Variants in DPP6 observed in about 807,000 individuals in gnomAD.
DPP6 encodes the protein A-type potassium channel modulatory protein DPP6.
DPP6 carries 69 observed loss-of-function variants against 122.6 expected under a neutral mutation model. The observed-to-expected ratio is 0.56, with a 90% CI of 0.46 to 0.69. DPP6 has a LOEUF of 0.69. Among genes scored for constraint, DPP6 ranks in the 30% least tolerant of loss-of-function variants. The probability of loss-of-function intolerance (pLI) is 0.00; values close to 1 mark genes in which losing one functional copy is unlikely to be tolerated. For synonymous variants in DPP6, 418 were observed against 433.1 expected, an observed-to-expected ratio of 0.97 and a Z score of 0.43; for missense variants, 928 against 1,116.9, an observed-to-expected ratio of 0.83 and a Z score of 2.41.
chr7:154,305,036 GCCCCAGCCCCAGCCCCAGCCCC>G (rs1806181614), intron 1 of DPP6: 2 of 14,876 alleles, frequency 1.3e-4, no homozygotes, highest in African/African-American at 5.1e-4. Flanking sequence ...CCCAGCCCCA[GCCCCAGCCCCAGCCCCAGCCCC>G]AGCCCCAGCC....
chr7:154,333,253 C>CTTT (rs34165810), intron 1 of DPP6, among the ~76,000 whole-genome samples: 3 of 148,988 alleles, frequency 2.0e-5, no homozygotes, highest in Non-Finnish European at 3.0e-5. Flanking sequence ...TTTCTCAGGG[C>CTTT]TTTTTTTTTT....
chr7:154,817,463 A>G (rs1181196118), intron 16 of DPP6, among the ~76,000 whole-genome samples: 1 of 152,184 alleles, frequency 6.6e-6, no homozygotes. Context: ...ATCATGAGTG[A>G]GTGATTAATA....
intron 1 of DPP6, among the ~76,000 whole-genome samples, chr7:154,180,525 TAG>T (rs899606696): frequency 2.1e-4 from 30 of 144,550 alleles, no homozygotes; most frequent in East Asian, 1.6e-3. Flanking sequence ...TATAAATATA[TAG>T]AGAGTATATA....
chr7:154,803,822 G>T, intron 13 of DPP6, 42 bp from the exon 14 acceptor site: 3 of 1,597,666 alleles, frequency 1.9e-6, no homozygotes, highest in South Asian at 2.2e-5. Context: ...CTGGGGCCGG[G>T]ACACCGGTGT....
chr7:153,898,712 C>T (rs1799514648), intron 1 of DPP6, among the ~76,000 whole-genome samples: 3 of 152,272 alleles, frequency 2.0e-5, no homozygotes. Flanking sequence ...GTTGCGGTAT[C>T]AGAGGCCTTC....
At chr7:154,383,605 G>A (rs1369727984) in intron 1 of DPP6, among the ~76,000 whole-genome samples, 2 of 151,972 alleles carry the variant, frequency 1.3e-5, no homozygotes, top group Non-Finnish European at 1.5e-5. Context: ...ACATGTGTTA[G>A]TGGGCTGGGC....
upstream of DPP6, among the ~76,000 whole-genome samples, chr7:153,884,256 C>T (rs940164567): frequency 5.9e-5 from 9 of 152,258 alleles, no homozygotes; most frequent in Admixed American, 3.9e-4. Flanking sequence ...TGAAAACATG[C>T]GTTGTTTGGT....
At chr7:153,835,044 C>G in the DPP6 span, among the ~76,000 whole-genome samples, 2,101 of 152,216 alleles carry the variant, frequency 0.014, 55 homozygotes, top group African/African-American at 0.048. Flanking sequence ...TGTAGGTGCC[C>G]CCTCATTCTT....
intron 1 of DPP6, among the ~76,000 whole-genome samples, chr7:154,008,014 A>T (rs937882264): frequency 5.3e-5 from 8 of 152,194 alleles, no homozygotes; most frequent in Admixed American, 4.6e-4. Context: ...TGTTCAGAAG[A>T]AAAGGACCCT....
chr7:154,818,412 C>G (rs529886620), intron 16 of DPP6, among the ~76,000 whole-genome samples: 3 of 152,298 alleles, frequency 2.0e-5, no homozygotes, highest in Admixed American at 2.0e-4. Flanking sequence ...TGTAAGCAGG[C>G]ATGCCCTTTG....
chr7:154,510,808 A>G (rs930734215), intron 3 of DPP6, among the ~76,000 whole-genome samples: 1 of 152,076 alleles, frequency 6.6e-6, no homozygotes, highest in South Asian at 2.1e-4. Context: ...CCACTAAATT[A>G]TATACCTAAC....
At chr7:154,719,225 A>G (rs73498006) in intron 7 of DPP6, among the ~76,000 whole-genome samples, 3,271 of 152,170 alleles carry the variant, frequency 0.021, 115 homozygotes, top group African/African-American at 0.075. Context: ...GATGTTATCT[A>G]TGCCGGGCTT....
chr7:154,601,032 G>T (rs1199765635), intron 5 of DPP6, among the ~76,000 whole-genome samples: 1 of 120,304 alleles, frequency 8.3e-6, no homozygotes, highest in Non-Finnish European at 1.9e-5. Context: ...CGGAGGTTGC[G>T]GTGAGCCATT....
At chr7:154,364,825 A>G (rs1024613468) in intron 1 of DPP6, among the ~76,000 whole-genome samples, 3 of 152,234 alleles carry the variant, frequency 2.0e-5, no homozygotes, top group Admixed American at 6.5e-5. Context: ...TGGGAGTTAC[A>G]TCGGAACCGG....
At chr7:154,190,435 G>A (rs1354223676) in intron 1 of DPP6, among the ~76,000 whole-genome samples, 1 of 152,066 alleles carries the variant, frequency 6.6e-6, no homozygotes. Context: ...AAAAGGTGAT[G>A]GGTTCCTGGG....
chr7:154,397,743 T>C (rs75562666), intron 1 of DPP6, among the ~76,000 whole-genome samples: 6,213 of 152,280 alleles, frequency 0.041, 403 homozygotes, highest in African/African-American at 0.14. Context: ...CTAATATGTT[T>C]GTTCACTTTT....
intron 1 of DPP6, among the ~76,000 whole-genome samples, chr7:154,233,242 C>T (rs903674876): frequency 1.3e-5 from 2 of 152,128 alleles, no homozygotes; most frequent in Admixed American, 6.5e-5. Context: ...TTTATAAATT[C>T]GATGTAGCTG....
intron 10 of DPP6, among the ~76,000 whole-genome samples, chr7:154,787,685 A>G (rs1797418796): frequency 6.6e-6 from 1 of 152,240 alleles, no homozygotes. Flanking sequence ...TTAAGTATTT[A>G]CCATGTGTGA....
chr7:153,879,830 T>C, the DPP6 span, among the ~76,000 whole-genome samples: 1 of 152,240 alleles, frequency 6.6e-6, no homozygotes, highest in Non-Finnish European at 1.5e-5. Flanking sequence ...ATTGTTTTAA[T>C]AGGAATTTCC....
Sources: allele counts gnomAD v4.1 joint callset (sites outside exome capture counted in the v4.1 genomes callset), GRCh38; gene constraint gnomAD v4.1.1; transcripts MANE v1.5; gene names NCBI Gene and HGNC (gene_info 2026-07-23, HGNC 2026-07-21).